The following DBF4B variants were observed in gnomAD, a reference collection of about 807,000 sequenced individuals.
The protein encoded by DBF4B is DBF4B-CDC7 kinase regulatory subunit.
In DBF4B, 49 loss-of-function variants were observed where a neutral mutation model predicts 53.4. That is an observed-to-expected ratio of 0.92 (90% CI 0.73 to 1.16). The LOEUF is 1.16. DBF4B is among the 50% of genes most tolerant of loss of function. DBF4B has a pLI of 0.00. For missense variants in DBF4B, 692 were observed against 775.0 expected (o/e 0.89, Z 1.27); for synonymous variants, 257 against 288.7 (o/e 0.89, Z 1.11).
intron 9 of DBF4B, among the ~76,000 whole-genome samples, chr17:44,739,457 A>G (rs1975775402): frequency 6.6e-6 from 1 of 152,220 alleles, no homozygotes; most frequent in Admixed American, 6.5e-5. Context: ...GCCCAGGGTC[A>G]CTTCTCAGCA....
At chr17:44,741,265 A>T (rs1975994677) in intron 9 of DBF4B, 71 bp from the exon 10 acceptor site, 6 of 1,115,530 alleles carry the variant, frequency 5.4e-6, no homozygotes, top group Non-Finnish European at 8.2e-6. Context: ...ATTCTAGGGC[A>T]TTGGGCGAGG....
In DBF4B at chr17:44,751,437, A is replaced by C; in HGVS notation, c.*184A>C. The stretch of plus-strand genomic sequence containing the variant: ...GTGGGCATTGCCTTATCTTGCAGTC[A>C]GTCCCTTTTCAACATGTTGCCGTTT... On this transcript the variant is annotated 3_prime_UTR_variant, in exon 14 of 14. Coordinates refer to ENST00000315005, the MANE Select transcript of DBF4B (RefSeq NM_145663.3). 1 of 1,424,000 alleles carries C rather than the reference A, an allele frequency of 7.0e-7. No homozygotes were observed. The highest frequency in any genetic ancestry group is 9.1e-7 in the Non-Finnish European group (1 of 1,094,960). 88.2% of individuals were successfully genotyped at this position (1,424,000 alleles called of 1,614,324 possible). A position where few individuals can be genotyped will look rare whatever the true frequency, so the allele number is the denominator to read the frequency against.
At chr17:44,741,266 T>C in intron 9 of DBF4B, 70 bp from the exon 10 acceptor site, 16 of 1,131,048 alleles carry the variant, frequency 1.4e-5, no homozygotes, top group Admixed American at 1.7e-5. Flanking sequence ...TTCTAGGGCA[T>C]TGGGCGAGGC....
chr17:44,743,657 C>T (rs772051207), intron 10 of DBF4B, among the ~76,000 whole-genome samples: 32 of 144,510 alleles, frequency 2.2e-4, no homozygotes, highest in Non-Finnish European at 3.9e-4. Flanking sequence ...GTTGCCTAGG[C>T]AGGAGTGCAG....
At chr17:44,739,133 G>A (rs930598169) in intron 9 of DBF4B, among the ~76,000 whole-genome samples, 5 of 152,074 alleles carry the variant, frequency 3.3e-5, no homozygotes, top group Non-Finnish European at 5.9e-5. Flanking sequence ...CTCTTCCCTC[G>A]GAGCAGGAGG....
In DBF4B at chr17:44,750,802, A is replaced by T; in HGVS notation, c.1397A>T (p.Glu466Val). The T allele has an allele frequency of 6.2e-7, 1 of 1,614,126 alleles. No individual in the cohort carries two copies. The highest frequency in any genetic ancestry group is 2.2e-5 in the East Asian group (1 of 44,856). The change falls in exon 14 of 14, where the codon GAG becomes GTG. Residue 466 changes from glutamate to valine, a missense_variant. Coordinates refer to ENST00000315005, the MANE Select transcript of DBF4B (RefSeq NM_145663.3). Reference sequence around the variant, plus strand: ...ACTTCCTTGGCTCTGCTGCCTGGGGAGTGGTCGCCTGCAGAGGACATGCCC... The same window carrying T: ...ACTTCCTTGGCTCTGCTGCCTGGGGTGTGGTCGCCTGCAGAGGACATGCCC... The part of the protein sequence containing the change: ...LVTSLALLPG[E>V]WSPAEDMPLH...
intron 4 of DBF4B, among the ~76,000 whole-genome samples, chr17:44,730,692 A>T (rs1158483651): frequency 6.6e-6 from 1 of 152,178 alleles, no homozygotes; most frequent in African/African-American, 2.4e-5. Flanking sequence ...GTCTCAGGAC[A>T]TTTGTAACAA....
chr17:44,747,103 C>T lies in DBF4B; in HGVS notation c.851C>T (p.Pro284Leu). The change falls in exon 11 of 14, where the codon CCA becomes CTA. Residue 284 changes from proline to leucine, a missense_variant. By Grantham distance (98) the Pro-to-Leu change is moderately conservative (BLOSUM62 -3). Transcript: ENST00000315005. The stretch of plus-strand genomic sequence containing the variant: ...CCCAGAGAATCCAAGGATGGAGAGC[C>T]AAGCCCACGATCAGCTGCCCACACC... ...HHTRESKDGE[P>L]SPRSAAHTMP... is the part of the protein sequence containing the mutation. 2 of 1,614,144 alleles carry T rather than the reference C, an allele frequency of 1.2e-6. No individual in the cohort carries two copies. The highest frequency in any genetic ancestry group is 1.7e-6 in the Non-Finnish European group (2 of 1,180,012).
At chr17:44,734,022 A>G (rs1441553639) in intron 6 of DBF4B, 68 bp from the exon 7 acceptor site, 1 of 1,357,558 alleles carries the variant, frequency 7.4e-7, no homozygotes, top group Non-Finnish European at 1.1e-6. Context: ...CCTGCAGCCC[A>G]GGAAGGGGCT....
At position 44,748,421 on chromosome 17, in the gene DBF4B, C is replaced by T. The variant is rs1263847434; in HGVS notation, c.1145C>T (p.Ala382Val). ...LHPHQPSHPR[A>V]ASPRIRKEDS... is the part of the protein sequence containing the mutation. ...CCCCATCAGCCCTCCCATCCCAGGG[C>T]AGCATCTCCCAGGATAAGGAAAGAA... is the stretch of plus-strand genomic sequence containing the variant. Residue 382 changes from alanine to valine, a missense_variant, in exon 13 of 14, where the codon GCA becomes GTA. Transcript: ENST00000315005. 1.2e-6 allele frequency: 2 copies of T among 1,614,006 alleles called. No individual in the cohort carries two copies. The highest frequency in any genetic ancestry group is 1.7e-6 in the Non-Finnish European group (2 of 1,179,998).
intron 13 of DBF4B, 172 bp downstream of exon 13, chr17:44,748,637 T>G: frequency 6.7e-7 from 1 of 1,501,690 alleles, no homozygotes; most frequent in Non-Finnish European, 8.9e-7. Context: ...TGCCAATGCC[T>G]CCTGCCTAGC....
rs2049277403 is a variant in DBF4B at position 44,751,521 on chromosome 17, C to G, written c.*268C>G. On this transcript the variant is annotated 3_prime_UTR_variant, in exon 14 of 14. Coordinates refer to ENST00000315005, the MANE Select transcript of DBF4B (RefSeq NM_145663.3). ...CACTGTCTGTCCCTGGCCCTCCAGC[C>G]CACCTCGCCAACCACTCTTGTTGGT... is the stretch of plus-strand genomic sequence containing the variant. 4 of 1,378,968 alleles carry G rather than the reference C, an allele frequency of 2.9e-6. No homozygotes were observed. In the East Asian group the frequency reaches 8.1e-5, roughly 28 times the overall value. The allele number at this position is 1,378,968 out of a possible 1,614,324, so 85.4% of individuals were successfully genotyped here. A position where few individuals can be genotyped will look rare whatever the true frequency, so the allele number is the denominator to read the frequency against.
chr17:44,732,559 G>A, intron 6 of DBF4B: 1 of 356,868 alleles, frequency 2.8e-6, no homozygotes, highest in African/African-American at 2.1e-5. Flanking sequence ...TACAAATGCA[G>A]AAATGATCTT....
chr17:44,736,993 C>T (rs1002280994), intron 8 of DBF4B, 127 bp downstream of exon 8: 2 of 1,158,594 alleles, frequency 1.7e-6, no homozygotes, highest in African/African-American at 3.1e-5. Context: ...TTATCTTGCC[C>T]CTTTGTGTTT....
intron 10 of DBF4B, among the ~76,000 whole-genome samples, chr17:44,745,844 T>C (rs569588419): frequency 6.6e-6 from 1 of 152,192 alleles, no homozygotes; most frequent in Non-Finnish European, 1.5e-5. Context: ...TTTGGACTTG[T>C]CGAGTTTGCT....
At chr17:44,747,894 A>G (rs1315089921) in intron 12 of DBF4B, among the ~76,000 whole-genome samples, 3 of 152,116 alleles carry the variant, frequency 2.0e-5, no homozygotes, top group Non-Finnish European at 4.4e-5. Flanking sequence ...GAAGGACTGC[A>G]TGGGGTTTGG....
At chr17:44,746,100 T>C (rs1357268773) in intron 10 of DBF4B, among the ~76,000 whole-genome samples, 1 of 145,124 alleles carries the variant, frequency 6.9e-6, no homozygotes, top group Non-Finnish European at 1.5e-5. Context: ...GGCGTGGTGG[T>C]GTGTTCCTGT....
At chr17:44,742,070 A>G (rs1035568651) in intron 10 of DBF4B, among the ~76,000 whole-genome samples, 2 of 151,552 alleles carry the variant, frequency 1.3e-5, no homozygotes, top group Non-Finnish European at 2.9e-5. Context: ...ACACAAACAT[A>G]GCAAGACTCT....
At chr17:44,710,976 A>ATTTTT (rs10522434) in intron 2 of DBF4B, among the ~76,000 whole-genome samples, 4 of 98,306 alleles carry the variant, frequency 4.1e-5, no homozygotes, top group African/African-American at 5.2e-5. Flanking sequence ...TTCCAGTTTG[A>ATTTTT]TTTTTTTTTT....
Sources: gnomAD v4.1 joint callset for allele counts (sites outside exome capture counted in the v4.1 genomes callset) on GRCh38, gnomAD v4.1.1 for gene constraint, MANE v1.5 for transcripts, NCBI Gene and HGNC (gene_info 2026-07-23, HGNC 2026-07-21) for gene names.